Variants in RSF1 observed in about 807,000 individuals in gnomAD.
The protein encoded by RSF1 is HBV pX-associated protein 8.
Under a neutral mutation model 145.2 loss-of-function variants are expected in RSF1, and 13 were observed. The ratio of observed to expected loss-of-function variants is 0.09; its 90% CI spans 0.06 to 0.14. RSF1 has a LOEUF of 0.14. Among genes scored for constraint, RSF1 ranks in the 10% least tolerant of loss-of-function variants. The pLI, the probability that RSF1 is intolerant of heterozygous loss-of-function variation, is 1.00. For synonymous variants in RSF1, 577 were observed against 592.6 expected (o/e 0.97, Z 0.38); for missense variants, 1,517 against 1,718.2 (o/e 0.88, Z 2.07).
At chr11:77,807,731 G>C (rs946797340) in intron 1 of RSF1, among the ~76,000 whole-genome samples, 1 of 152,204 alleles carries the variant, frequency 6.6e-6, no homozygotes, top group Non-Finnish European at 1.5e-5. Context: ...CAGAGATTCT[G>C]ATTTCAATGG....
the RSF1 span, chr11:77,842,719 C>T: frequency 1.3e-6 from 2 of 1,532,270 alleles, no homozygotes; most frequent in East Asian, 2.3e-5. Context: ...AAAACTATTT[C>T]TCTTGTGTCT....
chr11:77,730,781 G>A (rs1961187554), intron 4 of RSF1, among the ~76,000 whole-genome samples: 1 of 152,176 alleles, frequency 6.6e-6, no homozygotes, highest in South Asian at 2.1e-4. Flanking sequence ...TCCTGCACAA[G>A]CTTTCTTTTC....
intron 1 of RSF1, among the ~76,000 whole-genome samples, chr11:77,805,765 T>C (rs1666500085): frequency 6.6e-6 from 1 of 152,214 alleles, no homozygotes; most frequent in Non-Finnish European, 1.5e-5. Flanking sequence ...ATGGTAGTGC[T>C]TCAAATAGTA....
intron 4 of RSF1, among the ~76,000 whole-genome samples, chr11:77,728,903 A>C (rs1961127790): frequency 6.6e-6 from 1 of 152,126 alleles, no homozygotes; most frequent in African/African-American, 2.4e-5. Context: ...ATATTTTACA[A>C]AAAAGAGATG....
intron 1 of RSF1, among the ~76,000 whole-genome samples, chr11:77,767,680 C>T (rs1381295862): frequency 6.6e-6 from 1 of 152,168 alleles, no homozygotes; most frequent in Admixed American, 6.5e-5. Context: ...CAATACAAGT[C>T]CCGAAAGTCT....
At position 77,666,950 on chromosome 11, in the gene RSF1, A is replaced by G; in HGVS notation, c.4293T>C (p.Leu1431=). ...EEDELLRVTD[L]VDYVCNSEQL Reference sequence around the variant, plus strand: ...GTTCACTGTTACAGACATAATCAACAAGGTCAGTCACTCTCAAAAGCTCAT... The same window carrying G: ...GTTCACTGTTACAGACATAATCAACGAGGTCAGTCACTCTCAAAAGCTCAT... Residue 1431 remains leucine (L), a synonymous_variant, in exon 16 of 16, where the codon CTT becomes CTC. Coordinates refer to ENST00000308488, the MANE Select transcript of RSF1 (RefSeq NM_016578.4). 1 of 1,590,150 alleles carries G rather than the reference A, an allele frequency of 6.3e-7. No individual in the cohort carries two copies.
chr11:77,764,442 G>C, intron 2 of RSF1, 156 bp downstream of exon 2: 1 of 571,382 alleles, frequency 1.8e-6, no homozygotes, highest in Middle Eastern at 4.7e-4. Flanking sequence ...AGTAGCAAAA[G>C]AAGAGAATCA....
At position 77,693,504 on chromosome 11, in the gene RSF1, T is replaced by C. The variant is rs768302750; in HGVS notation, c.2820+3A>G. 2 of 1,599,712 alleles carry C rather than the reference T, an allele frequency of 1.3e-6. No individual in the cohort carries two copies. Among genetic ancestry groups the C allele is most frequent in the East Asian group, 2.2e-5 (1 of 44,802 alleles). ...CTAGAAAAACAAGTGGGCGGGGTCT[T>C]ACATGTTGGCAAGGTGGGCAGAACC... On this transcript the variant is annotated splice_donor_region_variant and intron_variant, in intron 8 of 15. Coordinates refer to ENST00000308488, the MANE Select transcript of RSF1 (RefSeq NM_016578.4).
At chr11:77,752,264 G>A (rs1160800589) in intron 2 of RSF1, among the ~76,000 whole-genome samples, 1 of 152,162 alleles carries the variant, frequency 6.6e-6, no homozygotes, top group Admixed American at 6.5e-5. Flanking sequence ...CAATAGAAAA[G>A]GGCTACCTGG....
At chr11:77,805,817 A>G (rs1288830540) in intron 1 of RSF1, among the ~76,000 whole-genome samples, 2 of 152,232 alleles carry the variant, frequency 1.3e-5, no homozygotes, top group African/African-American at 2.4e-5. Flanking sequence ...TTAAAACTAG[A>G]AAGTCACATA....
rs1201297653 is a variant in RSF1, at chr11:77,672,108, T to C, written c.3685A>G (p.Ser1229Gly). 2 of 1,613,968 alleles carry C rather than the reference T, an allele frequency of 1.2e-6. No homozygotes were observed. The highest frequency in any genetic ancestry group is 1.7e-6 in the Non-Finnish European group (2 of 1,180,006). ...CTTATTTCTTTACCACGTCGCAAAC[T>C]CTTCTGGGAACCGTCACTTTCTGAG... ...EDSESDGSQKSLRRGKEIRRV... is the reference protein window; with the variant it reads ...EDSESDGSQKGLRRGKEIRRV... The change falls in exon 15 of 16, where the codon AGT becomes GGT. Residue 1229 changes from serine (S) to glycine (G), a missense_variant. Transcript: ENST00000308488.
chr11:77,824,043 T>A (rs924731457), upstream of RSF1, among the ~76,000 whole-genome samples: 84 of 152,076 alleles, frequency 5.5e-4, no homozygotes, highest in African/African-American at 2.0e-3. Context: ...GGAAACAGAG[T>A]CCTTTGGCAT....
the RSF1 span, among the ~76,000 whole-genome samples, chr11:77,871,983 G>A: frequency 3.3e-5 from 5 of 152,320 alleles, no homozygotes; most frequent in East Asian, 9.6e-4. Context: ...TGGGTATTAT[G>A]ATACCTCTGA....
At chr11:77,863,213 C>A in the RSF1 span, among the ~76,000 whole-genome samples, 62 of 152,244 alleles carry the variant, frequency 4.1e-4, no homozygotes, top group Admixed American at 2.7e-3. Context: ...CGAACCCGGG[C>A]ACTTAGCCAT....
intron 15 of RSF1, among the ~76,000 whole-genome samples, chr11:77,668,658 C>A (rs1011939723): frequency 2.0e-5 from 3 of 152,134 alleles, no homozygotes; most frequent in African/African-American, 7.2e-5. Context: ...CTAAACAATA[C>A]AGTATAACAA....
intron 2 of RSF1, among the ~76,000 whole-genome samples, chr11:77,755,202 G>C (rs1948103575): frequency 6.6e-6 from 1 of 152,214 alleles, no homozygotes. Context: ...TTGCAGAGGA[G>C]CAAGAAGGGG....
intron 9 of RSF1, among the ~76,000 whole-genome samples, chr11:77,687,503 T>C (rs1404850561): frequency 6.6e-6 from 1 of 151,950 alleles, no homozygotes; most frequent in Non-Finnish European, 1.5e-5. Flanking sequence ...GCTAGGCATT[T>C]GAGACCAAGC....
At chr11:77,749,463 A>G (rs1359136785) in intron 2 of RSF1, among the ~76,000 whole-genome samples, 2 of 152,108 alleles carry the variant, frequency 1.3e-5, no homozygotes, top group African/African-American at 4.8e-5. Context: ...AATGCCAAGT[A>G]TGGGGAAGCT....
intron 4 of RSF1, among the ~76,000 whole-genome samples, chr11:77,731,107 A>G (rs539933318): frequency 3.3e-5 from 5 of 152,306 alleles, no homozygotes; most frequent in African/African-American, 9.6e-5. Flanking sequence ...AGACTTGTTG[A>G]ATGGTTTTGA....
Sources: gnomAD v4.1 joint callset for allele counts (sites outside exome capture counted in the v4.1 genomes callset) on GRCh38, gnomAD v4.1.1 for gene constraint, MANE v1.5 for transcripts, NCBI Gene and HGNC (gene_info 2026-07-23, HGNC 2026-07-21) for gene names.